Variants in TRPC7 observed in about 807,000 individuals in gnomAD.
The protein encoded by TRPC7 is short transient receptor potential channel 7.
In TRPC7, 42 loss-of-function variants were observed where a neutral mutation model predicts 90.1. The ratio of observed to expected loss-of-function variants is 0.47; its 90% CI spans 0.36 to 0.60. The LOEUF is 0.60. Among genes scored for constraint, TRPC7 ranks in the 20% least tolerant of loss-of-function variants. TRPC7 has a pLI of 0.00. For missense variants in TRPC7, 955 were observed against 1,112.3 expected (o/e 0.86, Z 2.01); for synonymous variants, 451 against 436.3 (o/e 1.03, Z -0.42).
intron 3 of TRPC7, among the ~76,000 whole-genome samples, chr5:136,299,398 A>T (rs1758301745): frequency 7.0e-6 from 1 of 142,332 alleles, no homozygotes; most frequent in African/African-American, 2.6e-5. Flanking sequence ...GGAGGAGGGG[A>T]AAAGGAGAGG....
intron 3 of TRPC7, among the ~76,000 whole-genome samples, chr5:136,291,633 T>A (rs1398379242): frequency 3.3e-5 from 5 of 151,938 alleles, no homozygotes; most frequent in Non-Finnish European, 5.9e-5. Context: ...AGCACCCAGG[T>A]TCATAAAGCA....
intron 3 of TRPC7, among the ~76,000 whole-genome samples, chr5:136,297,592 C>A (rs1758227570): frequency 6.6e-6 from 1 of 151,896 alleles, no homozygotes; most frequent in Non-Finnish European, 1.5e-5. Flanking sequence ...TTATACTAAT[C>A]TTTTTCTAAA....
At chr5:136,283,976 C>G (rs915367866) in intron 3 of TRPC7, among the ~76,000 whole-genome samples, 1 of 152,202 alleles carries the variant, frequency 6.6e-6, no homozygotes, top group Non-Finnish European at 1.5e-5. Flanking sequence ...ATTTATCACC[C>G]TGCCCACTCC....
chr5:136,355,951 T>C (rs1201998502), intron 2 of TRPC7, among the ~76,000 whole-genome samples: 1 of 152,204 alleles, frequency 6.6e-6, no homozygotes, highest in Non-Finnish European at 1.5e-5. Context: ...ATGCATCCTC[T>C]AGGCTGACCT....
At chr5:136,220,454 A>C (rs1755416972) in intron 10 of TRPC7, among the ~76,000 whole-genome samples, 1 of 152,134 alleles carries the variant, frequency 6.6e-6, no homozygotes, top group Admixed American at 6.5e-5. Flanking sequence ...TATGAGGTTG[A>C]GATAAGAACT....
chr5:136,342,841 C>T (rs1467134299), intron 2 of TRPC7, among the ~76,000 whole-genome samples: 1 of 152,122 alleles, frequency 6.6e-6, no homozygotes, highest in Non-Finnish European at 1.5e-5. Flanking sequence ...CTGGATCTCC[C>T]CACTTCATCA....
In TRPC7 at chr5:136,357,165, C is replaced by T; in HGVS notation, c.223G>A (p.Asp75Asn). ...ESKTLNFNCV[D>N]YMGQNALQLA... ...TGCAGAGCGTTCTGCCCCATGTAGT[C>T]CACACAGTTGAAGTTAAGGGTCTTG... is the stretch of plus-strand genomic sequence containing the variant. Residue 75 changes from aspartate (D) to asparagine (N), a missense_variant, in exon 2 of 12, where the codon GAC (aspartate) becomes AAC (asparagine). Asp to Asn is a conservative substitution (Grantham distance 23). Around this residue, in one of 4 missense-constraint regions of TRPC7, gnomAD observed 161 missense variants for 145.7 expected, o/e 1.10. Transcript: ENST00000513104. 4 of 1,614,074 alleles carry T rather than the reference C, an allele frequency of 2.5e-6. No homozygotes were observed. The highest frequency in any genetic ancestry group is 1.3e-5 in the African/African-American group (1 of 75,052).
intron 2 of TRPC7, among the ~76,000 whole-genome samples, chr5:136,353,552 T>C (rs1276369909): frequency 6.6e-6 from 1 of 152,210 alleles, no homozygotes; most frequent in Non-Finnish European, 1.5e-5. Flanking sequence ...CTTTATTTTC[T>C]TTTTTATTAC....
At chr5:136,320,836 TA>T (rs1365719159) in intron 2 of TRPC7, among the ~76,000 whole-genome samples, 2 of 152,184 alleles carry the variant, frequency 1.3e-5, no homozygotes, top group African/African-American at 4.8e-5. Flanking sequence ...ACTATCTTTT[TA>T]AAAAAGTGTG....
At chr5:136,225,164 G>T in intron 10 of TRPC7, 110 bp downstream of exon 10, 1 of 916,116 alleles carries the variant, frequency 1.1e-6, no homozygotes, top group Admixed American at 2.6e-5. Flanking sequence ...TACAATAAAG[G>T]AAGGAATGAA....
intron 7 of TRPC7, among the ~76,000 whole-genome samples, chr5:136,238,100 G>C (rs946651183): frequency 2.6e-5 from 4 of 152,194 alleles, no homozygotes; most frequent in African/African-American, 9.6e-5. Context: ...GTACCTGGCT[G>C]CTCCTCCTCT....
rs150981076 is a variant in TRPC7, at chr5:136,340,928, G to C, written c.780+15680C>G. Among the ~76,000 whole-genome samples, 515 of 152,234 alleles carry C rather than the reference G, an allele frequency of 3.4e-3. 1 individual carries two copies. The highest frequency in any genetic ancestry group is 0.011 in the African/African-American group (473 of 41,548). On this transcript the variant is annotated intron_variant, in intron 2 of 11. Transcript: ENST00000513104. ...CAAATTAAAATGGCACTGAGATACT[G>C]TTTCTCTCCTACAAAATCAGCAACC...
intron 1 of TRPC7, among the ~76,000 whole-genome samples, chr5:136,359,003 T>C (rs1760477112): frequency 1.3e-5 from 2 of 152,342 alleles, no homozygotes; most frequent in Admixed American, 1.3e-4. Context: ...CAATACTCAG[T>C]ATTTCACTTT....
At chr5:136,359,377 T>C (rs1438355641) in intron 1 of TRPC7, among the ~76,000 whole-genome samples, 1 of 152,208 alleles carries the variant, frequency 6.6e-6, no homozygotes, top group Non-Finnish European at 1.5e-5. Context: ...AAGGCAACTG[T>C]GGGTGATAAA....
chr5:136,238,023 T>C (rs1206985554), intron 7 of TRPC7, among the ~76,000 whole-genome samples: 1 of 152,180 alleles, frequency 6.6e-6, no homozygotes, highest in Non-Finnish European at 1.5e-5. Flanking sequence ...TGGCTCTCCC[T>C]TCACTCATTG....
At chr5:136,238,168 G>A (rs189197322) in intron 7 of TRPC7, among the ~76,000 whole-genome samples, 3 of 152,286 alleles carry the variant, frequency 2.0e-5, no homozygotes, top group South Asian at 2.1e-4. Flanking sequence ...CTTCTTTGAC[G>A]ACCTGTCTGA....
intron 6 of TRPC7, among the ~76,000 whole-genome samples, chr5:136,248,561 T>C (rs149199567): frequency 2.2e-4 from 33 of 152,310 alleles, no homozygotes; most frequent in Admixed American, 5.9e-4. Context: ...CCTCAGGTAC[T>C]GTGTGCTGGG....
At chr5:136,295,925 C>T (rs1011818058) in intron 3 of TRPC7, among the ~76,000 whole-genome samples, 4 of 152,190 alleles carry the variant, frequency 2.6e-5, no homozygotes, top group Admixed American at 6.5e-5. Flanking sequence ...TTAGCTAGTT[C>T]CCTTTCCTGT....
intron 2 of TRPC7, among the ~76,000 whole-genome samples, chr5:136,350,182 T>A (rs1760144932): frequency 6.6e-6 from 1 of 152,318 alleles, no homozygotes; most frequent in African/African-American, 2.4e-5. Flanking sequence ...CATGACTGTA[T>A]CCTACCCTCC....
Sources: allele counts gnomAD v4.1 joint callset (sites outside exome capture counted in the v4.1 genomes callset), GRCh38; gene constraint gnomAD v4.1.1; regional missense constraint gnomAD v4.1.1; transcripts MANE v1.5; gene names NCBI Gene and HGNC (gene_info 2026-07-23, HGNC 2026-07-21).